The following SEL1L3 variants were observed in gnomAD, a reference collection of about 807,000 sequenced individuals.
SEL1L3 encodes the protein SEL1L family member 3.
Under a neutral mutation model 142.8 loss-of-function variants are expected in SEL1L3, and 76 were observed. That is an observed-to-expected ratio of 0.53 (90% confidence interval 0.44 to 0.64). The LOEUF (loss-of-function observed/expected upper bound fraction) is 0.64. Ranked by LOEUF, SEL1L3 falls within the 30% of genes least tolerant of loss-of-function variation. The pLI is 0.00. For missense variants in SEL1L3, 1,262 were observed against 1,381.7 expected (o/e 0.91, Z 1.37); for synonymous variants, 504 against 519.6 (o/e 0.97, Z 0.41).
At chr4:25,779,426 T>C (rs907134143) in intron 15 of SEL1L3, among the ~76,000 whole-genome samples, 2 of 152,200 alleles carry the variant, frequency 1.3e-5, no homozygotes, top group African/African-American at 4.8e-5. Context: ...GTTTACCCAA[T>C]AAATAAGACA....
At position 25,819,810 on chromosome 4, in the gene SEL1L3, G is replaced by C. The variant is rs1714630034; in HGVS notation, c.1421C>G (p.Ala474Gly). 6.2e-7 allele frequency: 1 copy of C among 1,610,372 alleles called. No homozygotes were observed. Among genetic ancestry groups the C allele is most frequent in the Non-Finnish European group, 8.5e-7 (1 of 1,178,610 alleles). Residue 474 changes from alanine to glycine, a missense_variant and splice_region_variant, in exon 8 of 24, where the codon GCA (alanine) becomes GGA (glycine). Transcript: ENST00000399878. ...CTCCCCTGAAGCTCAACACTTACAT[G>C]CTTCTTGTCTCTCGCCCCCGTGCTT... is the stretch of plus-strand genomic sequence containing the variant. ...AAKHGGERQE[A>G]CHLHNSYLDL...
intron 1 of SEL1L3, among the ~76,000 whole-genome samples, chr4:25,850,014 G>C (rs1337507553): frequency 7.9e-5 from 12 of 152,256 alleles, no homozygotes; most frequent in Admixed American, 7.2e-4. Flanking sequence ...TCTTCACGTA[G>C]AGACACAAGG....
At chr4:25,833,241 C>T (rs2109284369) in intron 4 of SEL1L3, 131 bp from the exon 5 acceptor site, 1 of 713,394 alleles carries the variant, frequency 1.4e-6, no homozygotes, top group East Asian at 2.6e-5. Flanking sequence ...CCCAAACACG[C>T]ATTTATAAAT....
intron 14 of SEL1L3, among the ~76,000 whole-genome samples, chr4:25,783,353 T>C (rs1711558071): frequency 6.6e-6 from 1 of 152,248 alleles, no homozygotes; most frequent in Non-Finnish European, 1.5e-5. Context: ...TCTCATTCCA[T>C]GCTACAACTT....
chr4:25,851,720 C>T (rs778550598), intron 1 of SEL1L3, among the ~76,000 whole-genome samples: 1 of 151,854 alleles, frequency 6.6e-6, no homozygotes, highest in Non-Finnish European at 1.5e-5. Context: ...GAAACCCCGT[C>T]TCTTCTAAAA....
At chr4:25,826,656 A>G (rs1238233485) in intron 6 of SEL1L3, among the ~76,000 whole-genome samples, 1 of 151,934 alleles carries the variant, frequency 6.6e-6, no homozygotes, top group African/African-American at 2.4e-5. Flanking sequence ...GAGTACGGCT[A>G]GCTTTTTTGG....
intron 1 of SEL1L3, among the ~76,000 whole-genome samples, chr4:25,848,727 G>A (rs549876422): frequency 6.6e-6 from 1 of 152,366 alleles, no homozygotes; most frequent in South Asian, 2.1e-4. Flanking sequence ...AAAATAACAA[G>A]TGTTGGTGAA....
intron 2 of SEL1L3, among the ~76,000 whole-genome samples, chr4:25,839,632 G>A (rs1716046563): frequency 6.6e-6 from 1 of 152,158 alleles, no homozygotes; most frequent in Non-Finnish European, 1.5e-5. Context: ...GCTTGTATGT[G>A]CAGAGAACAT....
At chr4:25,842,087 A>G (rs1404473045) in intron 2 of SEL1L3, among the ~76,000 whole-genome samples, 1 of 152,146 alleles carries the variant, frequency 6.6e-6, no homozygotes, top group South Asian at 2.1e-4. Context: ...CTTTGTCCTC[A>G]TCTTTAAGCC....
chr4:25,735,807 T>C, the SEL1L3 span, among the ~76,000 whole-genome samples: 1 of 151,526 alleles, frequency 6.6e-6, no homozygotes, highest in African/African-American at 2.4e-5. Flanking sequence ...AGCAGCAAGT[T>C]GTTTATTTTC....
chr4:25,776,560 G>A, intron 16 of SEL1L3, 200 bp from the exon 17 acceptor site: 1 of 539,318 alleles, frequency 1.9e-6, no homozygotes, highest in Non-Finnish European at 3.3e-6. Flanking sequence ...TCTTATGAAT[G>A]ATTAGGAGTT....
intron 23 of SEL1L3, among the ~76,000 whole-genome samples, chr4:25,749,880 C>T (rs961037841): frequency 8.5e-5 from 13 of 152,110 alleles, no homozygotes; most frequent in South Asian, 2.1e-4. Flanking sequence ...AGTAATATTT[C>T]GCGACATGTG....
chr4:25,796,049 GT>G (rs1309559231), intron 11 of SEL1L3, among the ~76,000 whole-genome samples: 1 of 152,088 alleles, frequency 6.6e-6, no homozygotes, highest in East Asian at 1.9e-4. Context: ...TTTCATTGTT[GT>G]TATTGTTGCC....
chr4:25,776,370 A>G lies in SEL1L3; in HGVS notation c.2586-10T>C. On this transcript the variant is annotated splice_polypyrimidine_tract_variant and intron_variant, in intron 16 of 23. Coordinates refer to ENST00000399878, the MANE Select transcript of SEL1L3 (RefSeq NM_015187.5). The stretch of plus-strand genomic sequence containing the variant: ...TACATGTTTTGCCCATCTGAAAAAA[A>G]AAAGGGAAGAGAAAATACGCAAACC... 6.3e-7 allele frequency: 1 copy of G among 1,599,824 alleles called. No homozygotes were observed. The highest frequency in any genetic ancestry group is 8.6e-7 in the Non-Finnish European group (1 of 1,168,448).
intron 9 of SEL1L3, among the ~76,000 whole-genome samples, chr4:25,811,786 G>T: frequency 6.9e-6 from 1 of 143,942 alleles, no homozygotes; most frequent in Non-Finnish European, 1.5e-5. Context: ...GTTGTTAGTA[G>T]CCATCCTCAT....
intron 2 of SEL1L3, among the ~76,000 whole-genome samples, chr4:25,835,868 C>T (rs1715785133): frequency 6.6e-6 from 1 of 152,178 alleles, no homozygotes; most frequent in African/African-American, 2.4e-5. Flanking sequence ...TGTACACCGG[C>T]AATATGCTAA....
chr4:25,834,324 G>A lies in SEL1L3; in HGVS notation c.861-755C>T, dbSNP rs371080986. On this transcript the variant is annotated intron_variant, in intron 3 of 23. Transcript: ENST00000399878. The stretch of plus-strand genomic sequence containing the variant: ...GACTTACTGAACACCCCTTGATACC[G>A]CACACAATGCTACTGACCAGTAGTT... 6.4e-4 allele frequency among the ~76,000 whole-genome samples: 98 copies of A among 152,274 alleles called. 2 individuals are homozygous for A. The South Asian group carries it at 0.017, about 26-fold the overall frequency.
intron 13 of SEL1L3, among the ~76,000 whole-genome samples, chr4:25,787,815 C>T (rs2109184824): frequency 6.6e-6 from 1 of 152,258 alleles, no homozygotes; most frequent in Non-Finnish European, 1.5e-5. Flanking sequence ...GGCTTAAAAC[C>T]AAGATCTTTA....
At chr4:25,746,255 C>A (rs377176491), downstream of SEL1L3, among the ~76,000 whole-genome samples, 2 of 151,900 alleles carry the variant, frequency 1.3e-5, no homozygotes, top group African/African-American at 4.8e-5. Context: ...CGGTGACTCA[C>A]GCCTATAATC....
Sources: allele counts gnomAD v4.1 joint callset (sites outside exome capture counted in the v4.1 genomes callset), GRCh38; gene constraint gnomAD v4.1.1; transcripts MANE v1.5; gene names NCBI Gene and HGNC (gene_info 2026-07-23, HGNC 2026-07-21).